KCNT2: variants seen among roughly 807,000 people sequenced by gnomAD.
KCNT2 encodes potassium sodium-activated channel subfamily T member 2.
Under a neutral mutation model 153.8 loss-of-function variants are expected in KCNT2, and 67 were observed. The ratio of observed to expected loss-of-function variants is 0.44; its 90% CI spans 0.36 to 0.53. The LOEUF is 0.53. Ranked by LOEUF, KCNT2 falls within the 20% of genes least tolerant of loss-of-function variation. The pLI is 0.00. For synonymous variants in KCNT2, 500 were observed against 458.8 expected (o/e 1.09, Z -1.15); for missense variants, 975 against 1,354.8 (o/e 0.72, Z 4.40).
chr1:196,350,483 C>T (rs1161963345), intron 14 of KCNT2, among the ~76,000 whole-genome samples: 1 of 151,976 alleles, frequency 6.6e-6, no homozygotes, highest in African/African-American at 2.4e-5. Flanking sequence ...TTTCATGTGT[C>T]TTTTGGCTGC....
chr1:196,305,186 T>G (rs370689545), intron 22 of KCNT2, 48 bp downstream of exon 22: 1 of 1,084,474 alleles, frequency 9.2e-7, no homozygotes, highest in Non-Finnish European at 1.4e-6. Context: ...AGTTAATTTC[T>G]GAATAAAGAT....
chr1:196,294,356 A>G (rs1660484790), intron 22 of KCNT2, among the ~76,000 whole-genome samples: 1 of 151,988 alleles, frequency 6.6e-6, no homozygotes, highest in South Asian at 2.1e-4. Context: ...GCTCATTGCA[A>G]CCTCCAACTC....
intron 1 of KCNT2, among the ~76,000 whole-genome samples, chr1:196,586,713 G>A (rs530038452): frequency 7.0e-6 from 1 of 143,020 alleles, no homozygotes; most frequent in Non-Finnish European, 1.5e-5. Context: ...AAATCAAGAG[G>A]ATTAAAAAAA....
chr1:196,398,736 G>T (rs1671164001), intron 12 of KCNT2, 65 bp from the exon 13 acceptor site: 1 of 853,042 alleles, frequency 1.2e-6, no homozygotes, highest in South Asian at 1.7e-5. Context: ...TAAAGTAAAA[G>T]TAAGCAATCA....
intron 1 of KCNT2, among the ~76,000 whole-genome samples, chr1:196,579,077 C>G (rs1038576758): frequency 3.9e-5 from 6 of 152,158 alleles, no homozygotes; most frequent in Admixed American, 2.6e-4. Flanking sequence ...TCACCCAAAG[C>G]CCATAGTTTA....
intron 1 of KCNT2, among the ~76,000 whole-genome samples, chr1:196,541,338 C>G (rs1656339083): frequency 6.6e-6 from 1 of 151,940 alleles, no homozygotes; most frequent in Non-Finnish European, 1.5e-5. Flanking sequence ...AGAGTGAGGT[C>G]AGGAAATCCA....
chr1:196,343,278 C>T (rs143397221), intron 14 of KCNT2, among the ~76,000 whole-genome samples: 188 of 152,248 alleles, frequency 1.2e-3, no homozygotes, highest in African/African-American at 4.4e-3. Flanking sequence ...CTGCGCTGCC[C>T]GCCTAACTCA....
intron 8 of KCNT2, among the ~76,000 whole-genome samples, chr1:196,443,935 T>C (rs900051490): frequency 3.3e-5 from 5 of 151,500 alleles, no homozygotes; most frequent in African/African-American, 1.2e-4. Context: ...CATACTGCTA[T>C]ATTTATAGAA....
At chr1:196,313,807 T>A (rs532232773) in intron 21 of KCNT2, among the ~76,000 whole-genome samples, 1 of 151,780 alleles carries the variant, frequency 6.6e-6, no homozygotes, top group East Asian at 1.9e-4. Context: ...TTTTAATAGT[T>A]CTTTTGAAAA....
chr1:196,235,088 T>G (rs1340558349), intron 27 of KCNT2, among the ~76,000 whole-genome samples: 2 of 151,436 alleles, frequency 1.3e-5, no homozygotes, highest in African/African-American at 4.8e-5. Context: ...TTAAATTCAT[T>G]TTGTCACGTA....
chr1:196,395,093 C>T (rs1670817904), intron 13 of KCNT2, among the ~76,000 whole-genome samples: 1 of 150,750 alleles, frequency 6.6e-6, no homozygotes, highest in Non-Finnish European at 1.5e-5. Flanking sequence ...ACATAATGAT[C>T]TATTTCTGGA....
At chr1:196,367,006 C>A (rs1668100312) in intron 14 of KCNT2, among the ~76,000 whole-genome samples, 2 of 152,120 alleles carry the variant, frequency 1.3e-5, no homozygotes, top group Non-Finnish European at 2.9e-5. Context: ...TCTGCCAAAA[C>A]CAGTGTTCTT....
intron 27 of KCNT2, among the ~76,000 whole-genome samples, chr1:196,231,573 C>T (rs1364206847): frequency 6.6e-6 from 1 of 151,786 alleles, no homozygotes; most frequent in Non-Finnish European, 1.5e-5. Flanking sequence ...GAATTAGGAA[C>T]TGCTTTATTG....
chr1:196,428,466 G>T (rs558390329), intron 9 of KCNT2, among the ~76,000 whole-genome samples, 197 bp from the exon 10 acceptor site: 1 of 151,920 alleles, frequency 6.6e-6, no homozygotes, highest in African/African-American at 2.4e-5. Context: ...CAGGGGCTTC[G>T]GGTCTCTAAG....
At chr1:196,458,629 T>C (rs1676887549) in intron 8 of KCNT2, among the ~76,000 whole-genome samples, 1 of 151,950 alleles carries the variant, frequency 6.6e-6, no homozygotes, top group African/African-American at 2.4e-5. Context: ...AATGCGCTTC[T>C]TTTAAAATGT....
chr1:196,460,860 A>G (rs560159317), intron 8 of KCNT2, among the ~76,000 whole-genome samples: 1 of 151,806 alleles, frequency 6.6e-6, no homozygotes, highest in East Asian at 1.9e-4. Flanking sequence ...CTCCTTTTAC[A>G]TTTCTCACTT....
intron 18 of KCNT2, among the ~76,000 whole-genome samples, chr1:196,330,070 G>GTCAGAATCAT (rs1336986784): frequency 3.4e-5 from 5 of 147,408 alleles, no homozygotes; most frequent in Admixed American, 6.9e-5. Context: ...GGTCTTGAGG[G>GTCAGAATCAT]TCAGAATCAT....
chr1:196,549,907 G>A (rs1320327140), intron 1 of KCNT2, among the ~76,000 whole-genome samples: 1 of 151,874 alleles, frequency 6.6e-6, no homozygotes, highest in African/African-American at 2.4e-5. Context: ...AGTTTCGGAT[G>A]CCTTAAGCAG....
At chr1:196,425,374 A>T (rs1363647401) in intron 11 of KCNT2, among the ~76,000 whole-genome samples, 2 of 151,726 alleles carry the variant, frequency 1.3e-5, no homozygotes, top group African/African-American at 4.9e-5. Context: ...TTTTTCTCTG[A>T]CCCCAGGCAA....
Sources: allele counts gnomAD v4.1 joint callset (sites outside exome capture counted in the v4.1 genomes callset), GRCh38; gene constraint gnomAD v4.1.1; transcripts MANE v1.5; gene names NCBI Gene and HGNC (gene_info 2026-07-23, HGNC 2026-07-21).